KCNQ4: variants seen among roughly 807,000 people sequenced by gnomAD.
KCNQ4 encodes potassium voltage-gated channel subfamily Q member 4.
In KCNQ4, 31 loss-of-function variants were observed where a neutral mutation model predicts 72.6. The ratio of observed to expected loss-of-function variants is 0.43; its 90% CI spans 0.32 to 0.58. The LOEUF is 0.58. KCNQ4 is among the 20% of genes least tolerant of loss of function. The pLI is 0.08. For synonymous variants in KCNQ4, 405 were observed against 403.7 expected (o/e 1.00, Z -0.04); for missense variants, 869 against 962.6 (o/e 0.90, Z 1.29).
In KCNQ4 at chr1:40,818,975, A is replaced by G. The variant is rs982729520; in HGVS notation, c.708+295A>G. The G allele has an allele frequency of 1.0e-4, 59 of 577,568 alleles. 1 individual carries two copies. Among genetic ancestry groups the G allele is most frequent in the Middle Eastern group, 4.7e-4 (1 of 2,124 alleles). The allele number at this position is 577,568 out of a possible 1,614,324, so 35.8% of individuals were successfully genotyped here. A position where few individuals can be genotyped will look rare whatever the true frequency, so the allele number is the denominator to read the frequency against. On this transcript the variant is annotated intron_variant, in intron 4 of 13. Transcript: ENST00000347132. ...GGTTTGAAGGGACCACTCGTACCAC[A>G]AAGTGGGCAGCTGAGGTGGGACTTG...
In KCNQ4 at chr1:40,784,043, C is replaced by T. The variant is rs1441018192; in HGVS notation, c.-51C>T. ...GCGTCTCTGAGCGCCCCGAGCGCGCCCCCGCCCCGGACCGTGCCCGGGCCC... is the reference window on the plus strand; with the variant it reads ...GCGTCTCTGAGCGCCCCGAGCGCGCTCCCGCCCCGGACCGTGCCCGGGCCC... On this transcript the variant is annotated 5_prime_UTR_variant, in exon 1 of 14. Coordinates refer to ENST00000347132, the MANE Select transcript of KCNQ4 (RefSeq NM_004700.4). This position sits in a 1 kb window ranked among gnomAD's most constrained non-coding sequence, Gnocchi z 4.1. 6.5e-6 allele frequency: 1 copy of T among 154,502 alleles called. No homozygotes were observed. Among genetic ancestry groups the T allele is most frequent in the Non-Finnish European group, 1.4e-5 (1 of 72,752 alleles). The allele number at this position is 154,502 out of a possible 1,614,324, so 9.6% of individuals were successfully genotyped here. A position where few individuals can be genotyped will look rare whatever the true frequency, so the allele number is the denominator to read the frequency against.
At chr1:40,801,248 T>C (rs1333304861) in intron 1 of KCNQ4, among the ~76,000 whole-genome samples, 1 of 151,846 alleles carries the variant, frequency 6.6e-6, no homozygotes, top group East Asian at 1.9e-4. Context: ...AAAGAGGGGA[T>C]CTTAACTCTG....
At chr1:40,838,204 GC>G in intron 13 of KCNQ4, 106 bp from the exon 14 acceptor site, 1 of 952,120 alleles carries the variant, frequency 1.1e-6, no homozygotes, top group Non-Finnish European at 1.6e-6. Flanking sequence ...TCCCAGATAA[GC>G]CCCGCCCACT....
At chr1:40,834,516 G>A (rs1316213769) in intron 11 of KCNQ4, among the ~76,000 whole-genome samples, 2 of 151,752 alleles carry the variant, frequency 1.3e-5, no homozygotes, top group Non-Finnish European at 2.9e-5. Context: ...AGGCTGAGAC[G>A]GGCAGATCGC....
intron 9 of KCNQ4, 98 bp downstream of exon 9, chr1:40,824,356 T>A: frequency 7.5e-7 from 1 of 1,339,812 alleles, no homozygotes; most frequent in Non-Finnish European, 1.0e-6. Context: ...AGCCACTTCG[T>A]GGGTGTCTGG....
At chr1:40,804,499 TG>T (rs1305780307) in intron 1 of KCNQ4, among the ~76,000 whole-genome samples, 1 of 152,172 alleles carries the variant, frequency 6.6e-6, no homozygotes, top group East Asian at 1.9e-4. Context: ...GGTCATATCT[TG>T]CCACTTCCGC....
intron 1 of KCNQ4, among the ~76,000 whole-genome samples, chr1:40,812,229 G>T (rs1647950507): frequency 6.6e-6 from 1 of 152,146 alleles, no homozygotes; most frequent in African/African-American, 2.4e-5. Context: ...GGAAGATATG[G>T]ATAATTATTC....
rs768707518 is a variant in KCNQ4, at chr1:40,831,268, G to A, written c.1477G>A (p.Ala493Thr). ...CTTCAATGACCGCACCCGCTTCCGGGCATCTCTGAGACTCAAACCCCGCAC... is the reference window on the plus strand; with the variant it reads ...CTTCAATGACCGCACCCGCTTCCGGACATCTCTGAGACTCAAACCCCGCAC... ...WSFNDRTRFR[A>T]SLRLKPRTSA... is the part of the protein sequence containing the mutation. The change falls in exon 10 of 14, where the codon GCA becomes ACA. Residue 493 changes from alanine (A) to threonine (T), a missense_variant. Physicochemically the swap from Ala to Thr is moderately conservative, Grantham distance 58. This residue lies in a region of KCNQ4 where 480 missense variants were observed against 501.9 expected (regional missense o/e 0.96). Coordinates refer to ENST00000347132, the MANE Select transcript of KCNQ4 (RefSeq NM_004700.4). 1.2e-6 allele frequency: 2 copies of A among 1,605,766 alleles called. No individual in the cohort carries two copies. The highest frequency in any genetic ancestry group is 2.2e-5 in the South Asian group (2 of 89,302).
chr1:40,808,903 A>G (rs958770282), intron 1 of KCNQ4, among the ~76,000 whole-genome samples: 2 of 152,114 alleles, frequency 1.3e-5, no homozygotes, highest in Non-Finnish European at 2.9e-5. Flanking sequence ...TTGCAGTCAA[A>G]CATCTTCAAA....
At chr1:40,808,470 G>C (rs769895280) in intron 1 of KCNQ4, among the ~76,000 whole-genome samples, 3 of 152,134 alleles carry the variant, frequency 2.0e-5, no homozygotes, top group Non-Finnish European at 2.9e-5. Context: ...TCCAGGCGTG[G>C]TCTTTTCTCC....
At position 40,784,434 on chromosome 1, in the gene KCNQ4, G is replaced by A. The variant is rs769215469; in HGVS notation, c.314+27G>A. On this transcript the variant is annotated intron_variant, in intron 1 of 13. Transcript: ENST00000347132. The surrounding 1 kb of genome is among the most constrained non-coding windows in gnomAD (Gnocchi z 4.1). The stretch of plus-strand genomic sequence containing the variant: ...TGAGTTTGCGACCCCGCGCCCTTCC[G>A]CGTTTCCCCGCGCAAGCCTGGCCTC... The A allele has an allele frequency of 1.2e-6, 2 of 1,600,406 alleles. No individual in the cohort carries two copies. The highest frequency in any genetic ancestry group is 1.1e-5 in the South Asian group (1 of 91,004).
intron 7 of KCNQ4, among the ~76,000 whole-genome samples, chr1:40,821,780 CA>C (rs1361922521): frequency 6.6e-6 from 1 of 152,150 alleles, no homozygotes; most frequent in African/African-American, 2.4e-5. Flanking sequence ...AGAAAGTTAT[CA>C]GTCAAATACA....
At chr1:40,830,676 G>C (rs926929130) in intron 9 of KCNQ4, among the ~76,000 whole-genome samples, 1 of 152,032 alleles carries the variant, frequency 6.6e-6, no homozygotes, top group Non-Finnish European at 1.5e-5. Context: ...GTGAGCTTCC[G>C]ACCCTCAGCA....
intron 1 of KCNQ4, among the ~76,000 whole-genome samples, chr1:40,787,829 TGC>T (rs1647218893): frequency 6.6e-6 from 1 of 152,226 alleles, no homozygotes; most frequent in South Asian, 2.1e-4. Context: ...GCTGTCCCCT[TGC>T]TGCCCCCTCT....
At chr1:40,800,981 G>A (rs948874433) in intron 1 of KCNQ4, among the ~76,000 whole-genome samples, 1 of 152,214 alleles carries the variant, frequency 6.6e-6, no homozygotes, top group Non-Finnish European at 1.5e-5. Flanking sequence ...GTCGAGTGTC[G>A]CTGGTGCTTA....
In KCNQ4 at chr1:40,838,315, A is replaced by G; in HGVS notation, c.1880A>G (p.Gln627Arg). ...CCAGCTGCGCCCCGTCCCCAGGTGCAGTCCATCGAGCACAAGCTGGACCTG... is the reference window on the plus strand; with the variant it reads ...CCAGCTGCGCCCCGTCCCCAGGTGCGGTCCATCGAGCACAAGCTGGACCTG... ...GRVVKVEKQVQSIEHKLDLLL... is the reference protein window; with the variant it reads ...GRVVKVEKQVRSIEHKLDLLL... Residue 627 changes from glutamine to arginine, a missense_variant, in exon 14 of 14, where the codon CAG becomes CGG. Around this residue, in one of 5 missense-constraint regions of KCNQ4, gnomAD observed 480 missense variants for 501.9 expected, o/e 0.96. Coordinates refer to ENST00000347132, the MANE Select transcript of KCNQ4 (RefSeq NM_004700.4). The G allele has an allele frequency of 6.2e-7, 1 of 1,613,120 alleles. No homozygotes were observed. The highest frequency in any genetic ancestry group is 8.5e-7 in the Non-Finnish European group (1 of 1,179,800).
At position 40,835,110 on chromosome 1, in the gene KCNQ4, G is replaced by T; in HGVS notation, c.1745+12G>T. On this transcript the variant is annotated intron_variant, in intron 12 of 13. Transcript: ENST00000347132. ...AGCCTGCAAACTCGGTGGGTGCACC[G>T]GGCCTGTTGGGAGGCAGGGGCAGGG... 6.2e-7 allele frequency: 1 copy of T among 1,611,020 alleles called. No individual in the cohort carries two copies. The highest frequency in any genetic ancestry group is 8.5e-7 in the Non-Finnish European group (1 of 1,177,740).
At chr1:40,836,188 G>A (rs576856638) in intron 12 of KCNQ4, among the ~76,000 whole-genome samples, 49 of 152,294 alleles carry the variant, frequency 3.2e-4, no homozygotes, top group Middle Eastern at 3.4e-3. Context: ...GGAACAGAGT[G>A]GCAGCTGCAG....
At chr1:40,824,578 A>C (rs1360982291) in intron 9 of KCNQ4, among the ~76,000 whole-genome samples, 1 of 151,860 alleles carries the variant, frequency 6.6e-6, no homozygotes, top group African/African-American at 2.4e-5. Context: ...TTACTCCTCC[A>C]TCCCTGCACC....
Sources: allele counts gnomAD v4.1 joint callset (sites outside exome capture counted in the v4.1 genomes callset), GRCh38; gene constraint gnomAD v4.1.1; regional missense constraint gnomAD v4.1.1; non-coding constraint Gnocchi (gnomAD v3.1); transcripts MANE v1.5; gene names NCBI Gene and HGNC (gene_info 2026-07-23, HGNC 2026-07-21).